The following NRG3 variants were observed in gnomAD, a reference collection of about 807,000 sequenced individuals.
NRG3 encodes the protein neuregulin 3, also known as pro-neuregulin-3, membrane-bound isoform.
Under a neutral mutation model 66.9 loss-of-function variants are expected in NRG3, and 31 were observed. The ratio of observed to expected loss-of-function variants is 0.46; its 90% CI spans 0.35 to 0.63. The LOEUF is 0.63. Among genes scored for constraint, NRG3 ranks in the 20% least tolerant of loss-of-function variants. The pLI, the probability that NRG3 is intolerant of heterozygous loss-of-function variation, is 0.00. For synonymous variants in NRG3, 393 were observed against 359.4 expected (o/e 1.09, Z -1.06); for missense variants, 910 against 878.9 (o/e 1.04, Z -0.45).
chr10:82,372,049 G>A (rs2084928080), intron 2 of NRG3, among the ~76,000 whole-genome samples: 1 of 152,172 alleles, frequency 6.6e-6, no homozygotes, highest in Non-Finnish European at 1.5e-5. Flanking sequence ...GTACATAGAA[G>A]ATTCCAAAAA....
intron 2 of NRG3, among the ~76,000 whole-genome samples, chr10:82,460,214 G>A (rs1211321996): frequency 6.6e-6 from 1 of 152,182 alleles, no homozygotes; most frequent in Non-Finnish European, 1.5e-5. Context: ...TTGGTACATT[G>A]GGTTATGGAA....
intron 2 of NRG3, among the ~76,000 whole-genome samples, chr10:82,653,975 A>G (rs920851090): frequency 2.0e-5 from 3 of 152,176 alleles, no homozygotes; most frequent in African/African-American, 7.2e-5. Flanking sequence ...TTTTCTTTCA[A>G]CGAGACTCTG....
intron 4 of NRG3, among the ~76,000 whole-genome samples, chr10:82,928,235 T>G (rs1847205098): frequency 6.6e-6 from 1 of 152,242 alleles, no homozygotes; most frequent in South Asian, 2.1e-4. Flanking sequence ...ATTCTGCATA[T>G]TAGTGCTTTG....
chr10:82,967,790 AT>A (rs543265039), intron 6 of NRG3, among the ~76,000 whole-genome samples: 2 of 152,034 alleles, frequency 1.3e-5, no homozygotes, highest in African/African-American at 2.4e-5. Context: ...ACATTAGATG[AT>A]TTTTTTTGTT....
intron 2 of NRG3, among the ~76,000 whole-genome samples, chr10:82,439,323 C>T (rs961314507): frequency 3.3e-5 from 5 of 151,892 alleles, no homozygotes; most frequent in African/African-American, 1.2e-4. Context: ...ACAGGATATT[C>T]TCTGTTTGTT....
intron 2 of NRG3, among the ~76,000 whole-genome samples, chr10:82,682,023 G>T (rs973582312): frequency 6.6e-6 from 1 of 152,222 alleles, no homozygotes; most frequent in Non-Finnish European, 1.5e-5. Flanking sequence ...GGAACAAGGG[G>T]TTTTAAAGGC....
chr10:82,975,050 A>T (rs1852123630), intron 7 of NRG3, among the ~76,000 whole-genome samples: 1 of 152,214 alleles, frequency 6.6e-6, no homozygotes, highest in African/African-American at 2.4e-5. Context: ...TTCAGGATTG[A>T]AATATGTTTG....
intron 4 of NRG3, among the ~76,000 whole-genome samples, chr10:82,869,631 A>ATTTTATTT (rs1554831160): frequency 2.2e-5 from 3 of 134,602 alleles, no homozygotes; most frequent in Admixed American, 7.6e-5. Flanking sequence ...ATTTTGAGAC[A>ATTTTATTT]GAGTTTCGCT....
intron 1 of NRG3, among the ~76,000 whole-genome samples, chr10:82,179,269 A>G (rs534989318): frequency 5.3e-5 from 8 of 151,682 alleles, no homozygotes; most frequent in African/African-American, 1.9e-4. Flanking sequence ...TCACTTATCT[A>G]TTTTTTCTTT....
At chr10:82,013,581 AT>A (rs1446315295) in intron 1 of NRG3, among the ~76,000 whole-genome samples, 2 of 152,164 alleles carry the variant, frequency 1.3e-5, no homozygotes, top group African/African-American at 2.4e-5. Flanking sequence ...TCAGAAAAAA[AT>A]ATTTCAGTGA....
chr10:82,293,656 A>G (rs910433223), intron 1 of NRG3, among the ~76,000 whole-genome samples: 2 of 152,180 alleles, frequency 1.3e-5, no homozygotes, highest in Non-Finnish European at 2.9e-5. Flanking sequence ...AGGCATGACC[A>G]ACTATTTTTC....
chr10:82,682,398 C>CAGATAGATAGAT (rs57109130), intron 2 of NRG3, among the ~76,000 whole-genome samples: 21 of 149,640 alleles, frequency 1.4e-4, no homozygotes, highest in South Asian at 2.1e-4. Flanking sequence ...AGTAGATAGA[C>CAGATAGATAGAT]AGATAGATAG....
At chr10:82,206,172 G>T (rs886683818) in intron 1 of NRG3, among the ~76,000 whole-genome samples, 2 of 152,026 alleles carry the variant, frequency 1.3e-5, no homozygotes, top group Non-Finnish European at 2.9e-5. Flanking sequence ...TGCTTAATTT[G>T]CATCTTCAAA....
intron 1 of NRG3, among the ~76,000 whole-genome samples, chr10:82,007,556 A>G (rs1032547790): frequency 1.3e-5 from 2 of 152,152 alleles, no homozygotes; most frequent in South Asian, 2.1e-4. Flanking sequence ...GGAATATTAC[A>G]TGGATATATT....
At chr10:82,752,882 T>C (rs970399238) in intron 3 of NRG3, among the ~76,000 whole-genome samples, 1 of 152,212 alleles carries the variant, frequency 6.6e-6, no homozygotes, top group Non-Finnish European at 1.5e-5. Flanking sequence ...CTGTTATTTA[T>C]AAACGACCCA....
chr10:82,639,904 G>A (rs926725377), intron 2 of NRG3, among the ~76,000 whole-genome samples: 51 of 151,902 alleles, frequency 3.4e-4, no homozygotes, highest in African/African-American at 1.1e-3. Context: ...TTGTTTTCCC[G>A]ATCCTCTCCC....
intron 1 of NRG3, among the ~76,000 whole-genome samples, chr10:82,030,758 A>G (rs1291066931): frequency 6.6e-6 from 1 of 152,032 alleles, no homozygotes; most frequent in African/African-American, 2.4e-5. Context: ...GAAGGAGAAA[A>G]TGAATATAAA....
At chr10:82,470,956 G>A (rs113431685) in intron 2 of NRG3, among the ~76,000 whole-genome samples, 3,868 of 152,138 alleles carry the variant, frequency 0.025, 159 homozygotes, top group African/African-American at 0.086. Context: ...GTTCTCCCAG[G>A]GGCCTGGTTC....
chr10:82,216,308 C>G (rs1161573230), intron 1 of NRG3, among the ~76,000 whole-genome samples: 1 of 151,576 alleles, frequency 6.6e-6, no homozygotes, highest in East Asian at 1.9e-4. Flanking sequence ...TACACAAGAC[C>G]AGATTATATT....
Sources: gnomAD v4.1 joint callset for allele counts (sites outside exome capture counted in the v4.1 genomes callset) on GRCh38, gnomAD v4.1.1 for gene constraint, MANE v1.5 for transcripts, NCBI Gene and HGNC (gene_info 2026-07-23, HGNC 2026-07-21) for gene names.